The following PCSK5 variants were observed in gnomAD, a reference collection of about 807,000 sequenced individuals.
PCSK5 encodes the protein proprotein convertase subtilisin/kexin type 5, also known as prohormone convertase 5.
A neutral mutation model predicts 233.2 loss-of-function variants in PCSK5; 129 were observed. The ratio of observed to expected loss-of-function variants is 0.55; its 90% CI spans 0.48 to 0.64. The LOEUF is 0.64. Among genes scored for constraint, PCSK5 ranks in the 30% least tolerant of loss-of-function variants. The pLI, the probability that PCSK5 is intolerant of heterozygous loss-of-function variation, is 0.00. For synonymous variants in PCSK5, 825 were observed against 879.2 expected (o/e 0.94, Z 1.09); for missense variants, 2,076 against 2,430.1 (o/e 0.85, Z 3.06).
intron 4 of PCSK5, among the ~76,000 whole-genome samples, chr9:76,026,287 GA>G (rs2131493673): frequency 6.6e-6 from 1 of 152,254 alleles, no homozygotes; most frequent in African/African-American, 2.4e-5. Context: ...TCCTCATTTT[GA>G]AATCTTAGTG....
Position 75,904,084 on chromosome 9 carries a change from G to A in PCSK5, c.192+12711G>A, listed in dbSNP as rs116015490. On this transcript the variant is annotated intron_variant, in intron 1 of 37. Transcript: ENST00000674117. ...GGGCGTCTTTCAATTTGGTGCTCAC[G>A]GACCAATTTGCCAAATGCTGCATTC... Among the ~76,000 whole-genome samples, 445 of 152,008 alleles carry A rather than the reference G, an allele frequency of 2.9e-3. 2 individuals are homozygous for A. The highest frequency in any genetic ancestry group is 0.01 in the African/African-American group (426 of 41,458).
chr9:76,064,997 T>C (rs1449386788), intron 5 of PCSK5, among the ~76,000 whole-genome samples: 1 of 152,242 alleles, frequency 6.6e-6, no homozygotes, highest in African/African-American at 2.4e-5. Context: ...AGGATTTCAT[T>C]CTGTTTTATG....
chr9:75,990,736 A>G (rs998809513), intron 3 of PCSK5, among the ~76,000 whole-genome samples: 4 of 152,230 alleles, frequency 2.6e-5, no homozygotes, highest in Admixed American at 6.5e-5. Flanking sequence ...TCACGTGCAT[A>G]TATCTAGCCT....
chr9:76,340,374 G>C (rs1390035464), intron 35 of PCSK5, among the ~76,000 whole-genome samples: 1 of 152,012 alleles, frequency 6.6e-6, no homozygotes, highest in East Asian at 1.9e-4. Flanking sequence ...AGCCAGGCGC[G>C]GTGGCTCACA....
intron 24 of PCSK5, among the ~76,000 whole-genome samples, chr9:76,281,517 C>G (rs1247414958): frequency 6.6e-6 from 1 of 152,190 alleles, no homozygotes; most frequent in Non-Finnish European, 1.5e-5. Context: ...AGTTTTCAAA[C>G]TATTACTGCT....
chr9:75,920,160 A>G (rs1238570363), intron 1 of PCSK5, among the ~76,000 whole-genome samples: 1 of 152,196 alleles, frequency 6.6e-6, no homozygotes, highest in Non-Finnish European at 1.5e-5. Flanking sequence ...TCCGTCTCAA[A>G]AAAAAGAAAC....
At position 76,175,057 on chromosome 9, in the gene PCSK5, C is replaced by T. The variant is rs534170568; in HGVS notation, c.1828C>T (p.Pro610Ser). Residue 610 changes from proline (P) to serine (S), a missense_variant, in exon 14 of 38, where the codon CCG becomes TCG. Pro to Ser is a moderately conservative substitution (Grantham distance 74, BLOSUM62 -1). This residue lies in a region of PCSK5 where 84 missense variants were observed against 108.8 expected (regional missense o/e 0.77). Transcript: ENST00000674117. ...GCCATATTCACCAACCAATGAATTTCCGAAAGTGGAACGGTTCCGCTATAG... is the reference window on the plus strand; with the variant it reads ...GCCATATTCACCAACCAATGAATTTTCGAAAGTGGAACGGTTCCGCTATAG... ...VQPYSPTNEF[P>S]KVERFRYSRV... 2.6e-5 allele frequency: 42 copies of T among 1,614,104 alleles called. No individual in the cohort carries two copies. In the South Asian group the frequency reaches 4.3e-4, roughly 16 times the overall value.
intron 7 of PCSK5, among the ~76,000 whole-genome samples, chr9:76,077,571 C>G (rs910744606): frequency 6.6e-6 from 1 of 152,120 alleles, no homozygotes. Flanking sequence ...CTCCCCTCCC[C>G]ATAGTCTGCA....
At chr9:76,159,280 G>C (rs981734498) in intron 12 of PCSK5, 109 bp downstream of exon 12, 2 of 947,106 alleles carry the variant, frequency 2.1e-6, no homozygotes, top group Non-Finnish European at 3.2e-6. Context: ...AACCAGCAGA[G>C]GGGGTGCTTA....
intron 5 of PCSK5, among the ~76,000 whole-genome samples, chr9:76,064,469 A>C (rs113445265): frequency 1.3e-4 from 14 of 108,428 alleles, no homozygotes; most frequent in African/African-American, 2.3e-4. Context: ...CTGACCCCCC[A>C]CCTCCCTCCC....
intron 9 of PCSK5, among the ~76,000 whole-genome samples, chr9:76,125,618 C>T (rs1280557850): frequency 6.6e-6 from 1 of 152,176 alleles, no homozygotes; most frequent in African/African-American, 2.4e-5. Flanking sequence ...CACAGTAAGC[C>T]TTCAATACAT....
intron 36 of PCSK5, among the ~76,000 whole-genome samples, chr9:76,351,449 A>AAAGAAGAAAG (rs1330895866): frequency 7.1e-5 from 1 of 13,994 alleles, no homozygotes; most frequent in Non-Finnish European, 1.5e-4. Context: ...GAAAGAAAGG[A>AAAGAAGAAAG]AAGAAAGAAA....
chr9:76,276,890 T>C (rs1827708007), intron 24 of PCSK5, among the ~76,000 whole-genome samples: 1 of 152,196 alleles, frequency 6.6e-6, no homozygotes, highest in African/African-American at 2.4e-5. Context: ...TACTGTTTGC[T>C]TCATGCATTT....
intron 7 of PCSK5, among the ~76,000 whole-genome samples, chr9:76,081,476 C>CAAATAAATAAATAAAT (rs1230704204): frequency 2.4e-4 from 33 of 138,416 alleles, no homozygotes; most frequent in African/African-American, 1.0e-3. Flanking sequence ...AATAAATAAA[C>CAAATAAATAAATAAAT]AAACAAACAA....
intron 3 of PCSK5, among the ~76,000 whole-genome samples, chr9:76,009,395 G>A (rs1008162678): frequency 6.6e-6 from 1 of 151,776 alleles, no homozygotes; most frequent in Non-Finnish European, 1.5e-5. Context: ...TTGGGAGGCC[G>A]AGGTGGGTGG....
intron 1 of PCSK5, among the ~76,000 whole-genome samples, chr9:75,915,681 G>T (rs1247734905): frequency 6.6e-6 from 1 of 152,164 alleles, no homozygotes; most frequent in Non-Finnish European, 1.5e-5. Context: ...ATTTTTAGTG[G>T]TGTAGAAGCC....
intron 24 of PCSK5, among the ~76,000 whole-genome samples, chr9:76,255,969 CA>C (rs1826969867): frequency 6.6e-6 from 1 of 152,220 alleles, no homozygotes; most frequent in Non-Finnish European, 1.5e-5. Flanking sequence ...TGTCTGGCTC[CA>C]AACCCACAGA....
intron 26 of PCSK5, among the ~76,000 whole-genome samples, chr9:76,296,067 A>T (rs17721139): frequency 0.1 from 15,323 of 152,214 alleles, 1,021 homozygotes; most frequent in Middle Eastern, 0.15. Flanking sequence ...TCCCAGTTGA[A>T]AAAGGACTTA....
rs144277464 is a variant in PCSK5, at chr9:76,135,201, A to T, written c.1312+989A>T. ...AATTTAAGCATTTTGGATGCTAAGTAATATTATCTACGTATCATATCTTAC... is the reference window on the plus strand; with the variant it reads ...AATTTAAGCATTTTGGATGCTAAGTTATATTATCTACGTATCATATCTTAC... On this transcript the variant is annotated intron_variant, in intron 10 of 37. Transcript: ENST00000674117. 1.3e-3 allele frequency among the ~76,000 whole-genome samples: 201 copies of T among 152,202 alleles called. 2 individuals carry two copies. The East Asian group carries it at 0.018, about 13-fold the overall frequency.
Sources: allele counts gnomAD v4.1 joint callset (sites outside exome capture counted in the v4.1 genomes callset), GRCh38; gene constraint gnomAD v4.1.1; regional missense constraint gnomAD v4.1.1; transcripts MANE v1.5; gene names NCBI Gene and HGNC (gene_info 2026-07-23, HGNC 2026-07-21).